Variants in ANKRD17 observed in about 807,000 individuals in gnomAD.
The protein encoded by ANKRD17 is ankyrin repeat domain 17.
ANKRD17 carries 19 observed loss-of-function variants against 229.7 expected under a neutral mutation model. The observed-to-expected ratio is 0.08, with a 90% CI of 0.06 to 0.12. The LOEUF (loss-of-function observed/expected upper bound fraction) is 0.12. ANKRD17 is among the 10% of genes least tolerant of loss of function. The probability of loss-of-function intolerance (pLI) is 1.00; values close to 1 mark genes in which losing one functional copy is unlikely to be tolerated. For missense variants in ANKRD17, 2,176 were observed against 3,176.8 expected (o/e 0.68, Z 7.57); for synonymous variants, 1,112 against 1,146.1 (o/e 0.97, Z 0.60).
In ANKRD17 at chr4:73,165,115, A is replaced by T. The variant is rs1733060210; in HGVS notation, c.548-3767T>A. Reference sequence around the variant, plus strand: ...TATATAAGCTAAAATGTATAAAGACAAAGTAAACCAGAGAACTAACTAACT... The same window carrying T: ...TATATAAGCTAAAATGTATAAAGACTAAGTAAACCAGAGAACTAACTAACT... On this transcript the variant is annotated intron_variant, in intron 2 of 33. Transcript: ENST00000358602. Among the ~76,000 whole-genome samples, 7 of 152,162 alleles carry T rather than the reference A, an allele frequency of 4.6e-5. No individual in the cohort carries two copies. The South Asian group carries it at 1.4e-3, about 32-fold the overall frequency.
At chr4:73,144,136 A>G (rs1189198332) in intron 11 of ANKRD17, among the ~76,000 whole-genome samples, 1 of 152,226 alleles carries the variant, frequency 6.6e-6, no homozygotes, top group Non-Finnish European at 1.5e-5. Flanking sequence ...TGTCTCAACT[A>G]GAACTTTCCT....
At position 73,076,063 on chromosome 4, in the gene ANKRD17, C is replaced by T. The variant is rs1323524405; in HGVS notation, c.*168G>A. On this transcript the variant is annotated 3_prime_UTR_variant, in exon 34 of 34. Coordinates refer to ENST00000358602, the MANE Select transcript of ANKRD17 (RefSeq NM_032217.5). ...CGGATGATGATGGGGAATGGGCAGT[C>T]ACAAATGTTCACAGAAAATAGGTCA... 1 of 490,826 alleles carries T rather than the reference C, an allele frequency of 2.0e-6. No individual in the cohort carries two copies. The highest frequency in any genetic ancestry group is 2.0e-5 in the African/African-American group (1 of 49,578). 30.4% of individuals were successfully genotyped at this position (490,826 alleles called of 1,614,324 possible). A position where few individuals can be genotyped will look rare whatever the true frequency, so the allele number is the denominator to read the frequency against.
At chr4:73,216,460 C>T (rs529923431) in intron 1 of ANKRD17, among the ~76,000 whole-genome samples, 4 of 152,254 alleles carry the variant, frequency 2.6e-5, no homozygotes, top group East Asian at 1.9e-4. Flanking sequence ...TAATCCCTGA[C>T]GCTCAAATTT....
intron 1 of ANKRD17, among the ~76,000 whole-genome samples, chr4:73,239,040 G>T (rs1388606851): frequency 6.6e-6 from 1 of 152,036 alleles, no homozygotes; most frequent in East Asian, 1.9e-4. Flanking sequence ...ACTATTACTG[G>T]GGTTAAAATT....
At chr4:73,151,576 AT>A (rs1262276111) in intron 6 of ANKRD17, 52 bp from the exon 7 acceptor site, 6 of 1,270,360 alleles carry the variant, frequency 4.7e-6, no homozygotes, top group Non-Finnish European at 6.3e-6. Flanking sequence ...ATTCCAAAAT[AT>A]TTTTTAAAAT....
Position 73,145,951 on chromosome 4 carries a change from G to A in ANKRD17, c.1869+813C>T, listed in dbSNP as rs150198431. Among the ~76,000 whole-genome samples, 18 of 152,248 alleles carry A rather than the reference G, an allele frequency of 1.2e-4. No individual in the cohort carries two copies. In the East Asian group the frequency reaches 3.3e-3, roughly 28 times the overall value. ...AATTTGTCATAAACTGTGAAGGAAA[G>A]AGCACAGTTGCTTATTAATCTTAGA... is the stretch of plus-strand genomic sequence containing the variant. On this transcript the variant is annotated intron_variant, in intron 10 of 33. Coordinates refer to ENST00000358602, the MANE Select transcript of ANKRD17 (RefSeq NM_032217.5).
chr4:73,250,589 CAAAAAAAAAAAAA>C (rs35160047), intron 1 of ANKRD17, among the ~76,000 whole-genome samples: 1 of 29,388 alleles, frequency 3.4e-5, no homozygotes, highest in Non-Finnish European at 5.5e-5. Context: ...GACCTTGTCT[CAAAAAAAAAAAAA>C]AAAAAAAAAA....
intron 1 of ANKRD17, among the ~76,000 whole-genome samples, chr4:73,191,341 A>ATATGTGTGTG (rs1553933228): frequency 4.9e-4 from 61 of 125,276 alleles, no homozygotes; most frequent in East Asian, 1.7e-3. Context: ...AAAAATATAT[A>ATATGTGTGTG]TGTGTGTGTG....
intron 16 of ANKRD17, among the ~76,000 whole-genome samples, chr4:73,132,754 G>A (rs189056000): frequency 6.6e-6 from 1 of 152,280 alleles, no homozygotes; most frequent in African/African-American, 2.4e-5. Flanking sequence ...TAGTTGGTGA[G>A]TGGTACAGCC....
At chr4:73,129,566 A>G (rs1727911964) in intron 16 of ANKRD17, among the ~76,000 whole-genome samples, 1 of 152,032 alleles carries the variant, frequency 6.6e-6, no homozygotes, top group South Asian at 2.1e-4. Flanking sequence ...CTCTGCAAAA[A>G]ATTAGCCAGA....
intron 15 of ANKRD17, among the ~76,000 whole-genome samples, chr4:73,139,044 AGT>A (rs1729277599): frequency 7.6e-6 from 1 of 132,414 alleles, no homozygotes; most frequent in African/African-American, 2.5e-5. Context: ...ATTTTGTAAA[AGT>A]GTTTTTTTTT....
At chr4:73,253,326 G>A (rs1745191176) in intron 1 of ANKRD17, among the ~76,000 whole-genome samples, 1 of 152,162 alleles carries the variant, frequency 6.6e-6, no homozygotes, top group Non-Finnish European at 1.5e-5. Flanking sequence ...TACAAGTTTT[G>A]TTCACCATTG....
rs33966935 is a variant in ANKRD17, at chr4:73,136,980, GTTTTT to G, written c.3086-1720_3086-1716del. The stretch of plus-strand genomic sequence containing the variant: ...TTAAAGAACCTACCAAAATTACAGA[GTTTTT>G]TTTTTTTTTTTTTTTAAGTCAAATT... On this transcript the variant is annotated intron_variant, in intron 15 of 33. Coordinates refer to ENST00000358602, the MANE Select transcript of ANKRD17 (RefSeq NM_032217.5). Among the ~76,000 whole-genome samples the G allele has an allele frequency of 6.0e-4, 79 of 131,208 alleles. 1 individual carries two copies. The South Asian group carries it at 0.018, about 30-fold the overall frequency. 86.1% of individuals were successfully genotyped at this position (131,208 alleles called of 152,430 possible).
chr4:73,097,342 C>A, intron 26 of ANKRD17, 70 bp from the exon 27 acceptor site: 1 of 1,308,970 alleles, frequency 7.6e-7, no homozygotes, highest in East Asian at 2.7e-5. Flanking sequence ...TAAAGGTAGT[C>A]TACTACCCAA....
At chr4:73,189,403 GTTTTTTTTTTT>G (rs763345325) in intron 1 of ANKRD17, among the ~76,000 whole-genome samples, 5 of 112,700 alleles carry the variant, frequency 4.4e-5, no homozygotes, top group African/African-American at 1.8e-4. Context: ...TGCCTGGAAT[GTTTTTTTTTTT>G]TTTTTTTTTG....
At chr4:73,106,872 C>T (rs559703491) in intron 24 of ANKRD17, among the ~76,000 whole-genome samples, 14 of 113,654 alleles carry the variant, frequency 1.2e-4, no homozygotes, top group South Asian at 3.5e-4. Context: ...AGTGAGACTC[C>T]GTCTTTAAAA....
At chr4:73,116,942 G>A (rs2148674808) in intron 22 of ANKRD17, among the ~76,000 whole-genome samples, 1 of 152,052 alleles carries the variant, frequency 6.6e-6, no homozygotes, top group South Asian at 2.1e-4. Context: ...AAATACATAA[G>A]AGTATAAAAG....
intron 2 of ANKRD17, among the ~76,000 whole-genome samples, chr4:73,171,178 GGAGAGAGAGAGA>G (rs56882212): frequency 7.8e-4 from 82 of 104,498 alleles, no homozygotes; most frequent in East Asian, 1.4e-3. Flanking sequence ...CTCAGAGGGG[GGAGAGAGAGAGA>G]GAGAGAGAGA....
At chr4:73,098,642 T>C (rs1358857972) in intron 25 of ANKRD17, 122 bp from the exon 26 acceptor site, 1 of 961,476 alleles carries the variant, frequency 1.0e-6, no homozygotes, top group African/African-American at 1.7e-5. Context: ...CCATGTAAGT[T>C]ATTCTCACAT....
Sources: gnomAD v4.1 joint callset for allele counts (sites outside exome capture counted in the v4.1 genomes callset) on GRCh38, gnomAD v4.1.1 for gene constraint, MANE v1.5 for transcripts, NCBI Gene and HGNC (gene_info 2026-07-23, HGNC 2026-07-21) for gene names.